The following RAB31 variants were observed in gnomAD, a reference collection of about 807,000 sequenced individuals.
RAB31 encodes the protein ras-related protein Rab-31.
Under a neutral mutation model 25.6 loss-of-function variants are expected in RAB31, and 21 were observed. The ratio of observed to expected loss-of-function variants is 0.82; its 90% CI spans 0.58 to 1.18. The LOEUF (loss-of-function observed/expected upper bound fraction) is 1.18. Ranked by LOEUF, RAB31 falls within the 50% of genes most tolerant of loss-of-function variation. RAB31 has a pLI of 0.00. For synonymous variants in RAB31, 87 were observed against 84.0 expected, an observed-to-expected ratio of 1.04 and a Z score of -0.20; for missense variants, 196 against 250.1, an observed-to-expected ratio of 0.78 and a Z score of 1.46.
intron 5 of RAB31, among the ~76,000 whole-genome samples, chr18:9,822,754 G>A (rs1007129786): frequency 3.9e-5 from 6 of 152,102 alleles, no homozygotes; most frequent in East Asian, 3.8e-4. Context: ...AAAAATCAGC[G>A]ACAACACCTA....
In RAB31 at chr18:9,818,273, T is replaced by A. The variant is rs1197397885; in HGVS notation, c.380+3051T>A. On this transcript the variant is annotated intron_variant, in intron 5 of 6. Transcript: ENST00000578921. ...TTTTAAGTGTATACAGTTCAACGAC[T>A]GTTAGTATATTTTTAGAGTTGTACA... Among the ~76,000 whole-genome samples the A allele has an allele frequency of 3.3e-5, 5 of 152,316 alleles. No homozygotes were observed. The South Asian group carries it at 6.2e-4, about 19-fold the overall frequency.
chr18:9,766,691 A>C lies in RAB31; in HGVS notation c.40-8587A>C, dbSNP rs1299547055. On this transcript the variant is annotated intron_variant, in intron 1 of 6. Transcript: ENST00000578921. This position sits in a 1 kb window ranked among gnomAD's most constrained non-coding sequence, Gnocchi z 4.3. ...AAGCATGTGGCTGGGCGCATGGCTC[A>C]CACCGGTAATCTCAGCACTTTGGGA... Among the ~76,000 whole-genome samples the C allele has an allele frequency of 6.6e-6, 1 of 152,180 alleles. No individual in the cohort carries two copies.
chr18:9,743,514 C>T (rs2068190342), intron 1 of RAB31, among the ~76,000 whole-genome samples: 1 of 152,176 alleles, frequency 6.6e-6, no homozygotes, highest in African/African-American at 2.4e-5. Flanking sequence ...GAGGTAGCAC[C>T]TGAGCTGCCA....
At chr18:9,853,862 A>G (rs543452776) in intron 6 of RAB31, among the ~76,000 whole-genome samples, 2 of 150,644 alleles carry the variant, frequency 1.3e-5, no homozygotes, top group Non-Finnish European at 1.5e-5. Context: ...ATAAATAAAT[A>G]AAGTTTATCA....
intron 1 of RAB31, among the ~76,000 whole-genome samples, chr18:9,748,980 G>C (rs1321394018): frequency 1.3e-5 from 2 of 152,018 alleles, no homozygotes; most frequent in Non-Finnish European, 2.9e-5. Flanking sequence ...GAAAGTGAAG[G>C]CTTCTCTACT....
At chr18:9,833,765 A>C (rs1275367756) in intron 5 of RAB31, among the ~76,000 whole-genome samples, 1 of 152,228 alleles carries the variant, frequency 6.6e-6, no homozygotes, top group East Asian at 1.9e-4. Flanking sequence ...GACATAAGCC[A>C]TATCTGATCT....
intron 5 of RAB31, among the ~76,000 whole-genome samples, chr18:9,840,603 G>C (rs1239675076): frequency 6.6e-6 from 1 of 152,156 alleles, no homozygotes; most frequent in Non-Finnish European, 1.5e-5. Flanking sequence ...CACACCATTT[G>C]TTCCGACAGC....
chr18:9,708,572 C>T lies in RAB31; in HGVS notation c.39+128C>T. The T allele has an allele frequency of 1.2e-6, 1 of 837,742 alleles. No individual in the cohort carries two copies. Among genetic ancestry groups the T allele is most frequent in the Non-Finnish European group, 1.7e-6 (1 of 592,460 alleles). The allele number at this position is 837,742 out of a possible 1,614,324, so 51.9% of individuals were successfully genotyped here. On this transcript the variant is annotated intron_variant, in intron 1 of 6. Transcript: ENST00000578921. This position sits in a 1 kb window ranked among gnomAD's most constrained non-coding sequence, Gnocchi z 6.4. ...CCGCACCCCTCTCGTAGCCCCCGTC[C>T]CCCTCGTCCGCGCGCCCCCTGGTTC...
intron 2 of RAB31, among the ~76,000 whole-genome samples, chr18:9,791,320 G>A (rs898944673): frequency 6.6e-6 from 1 of 150,878 alleles, no homozygotes; most frequent in Non-Finnish European, 1.5e-5. Flanking sequence ...TAAAATCCAA[G>A]GTTGTATTCT....
At chr18:9,845,022 G>C (rs184289315) in intron 5 of RAB31, among the ~76,000 whole-genome samples, 187 of 152,148 alleles carry the variant, frequency 1.2e-3, no homozygotes, top group African/African-American at 4.5e-3. Flanking sequence ...TTTAAATAGA[G>C]TTCATGCCCT....
At chr18:9,792,065 G>T (rs2068463334) in intron 2 of RAB31, 89 bp from the exon 3 acceptor site, 5 of 1,503,322 alleles carry the variant, frequency 3.3e-6, no homozygotes, top group African/African-American at 1.4e-5. Context: ...TTGGGGTCCT[G>T]CTGAGGTGTA....
chr18:9,856,481 T>C (rs1181192963), intron 6 of RAB31: 3 of 152,210 alleles, frequency 2.0e-5, no homozygotes, highest in African/African-American at 7.2e-5. Flanking sequence ...TTGTGTACTT[T>C]CCAAAGCAAA....
chr18:9,764,962 T>A (rs74806616), intron 1 of RAB31, among the ~76,000 whole-genome samples: 1 of 148,096 alleles, frequency 6.8e-6, no homozygotes, highest in African/African-American at 2.5e-5. Context: ...TCTTTCTTTC[T>A]TTTTTTTTTG....
intron 3 of RAB31, among the ~76,000 whole-genome samples, chr18:9,805,912 C>T (rs1427978216): frequency 6.6e-6 from 1 of 152,156 alleles, no homozygotes; most frequent in Non-Finnish European, 1.5e-5. Flanking sequence ...CAGTGGCTCA[C>T]GCCTGTAATC....
chr18:9,748,914 A>T (rs2068220013), intron 1 of RAB31, among the ~76,000 whole-genome samples: 1 of 152,028 alleles, frequency 6.6e-6, no homozygotes, highest in African/African-American at 2.4e-5. Flanking sequence ...AATAAAAATA[A>T]ATATAAGAAA....
At chr18:9,836,550 C>T (rs530031735) in intron 5 of RAB31, among the ~76,000 whole-genome samples, 14 of 152,268 alleles carry the variant, frequency 9.2e-5, no homozygotes, top group African/African-American at 3.4e-4. Flanking sequence ...TTTTTATAGT[C>T]CCCCCTACAA....
chr18:9,855,160 G>A (rs541922034), intron 6 of RAB31, among the ~76,000 whole-genome samples: 14 of 152,204 alleles, frequency 9.2e-5, no homozygotes, highest in Non-Finnish European at 1.5e-4. Flanking sequence ...TTACAGGCTA[G>A]GAATTTGTTT....
intron 5 of RAB31, among the ~76,000 whole-genome samples, chr18:9,818,990 A>G (rs1197791096): frequency 2.0e-5 from 3 of 152,140 alleles, no homozygotes; most frequent in Non-Finnish European, 4.4e-5. Context: ...TCTTTTTATT[A>G]TCGAGTTGTA....
intron 3 of RAB31, among the ~76,000 whole-genome samples, chr18:9,805,971 G>A (rs1363822705): frequency 2.0e-5 from 3 of 152,044 alleles, no homozygotes; most frequent in Admixed American, 2.0e-4. Context: ...TCAGGAGATC[G>A]GGACCATCCT....
Sources: gnomAD v4.1 joint callset for allele counts (sites outside exome capture counted in the v4.1 genomes callset) on GRCh38, gnomAD v4.1.1 for gene constraint, Gnocchi (gnomAD v3.1) non-coding constraint, MANE v1.5 for transcripts, NCBI Gene and HGNC (gene_info 2026-07-23, HGNC 2026-07-21) for gene names.